Variants in SPOCK1 observed in about 807,000 individuals in gnomAD.
The protein encoded by SPOCK1 is SPARC (osteonectin), cwcv and kazal like domains proteoglycan 1.
SPOCK1 carries 23 observed loss-of-function variants against 55.3 expected under a neutral mutation model. The observed-to-expected ratio is 0.42, with a 90% CI of 0.30 to 0.59. The LOEUF (loss-of-function observed/expected upper bound fraction) is 0.59. Ranked by LOEUF, SPOCK1 falls within the 20% of genes least tolerant of loss-of-function variation. SPOCK1 has a pLI of 0.22. For synonymous variants in SPOCK1, 226 were observed against 221.0 expected (o/e 1.02, Z -0.20); for missense variants, 499 against 552.5 (o/e 0.90, Z 0.97).
At chr5:137,308,892 G>A (rs1757745087) in intron 2 of SPOCK1, among the ~76,000 whole-genome samples, 1 of 152,166 alleles carries the variant, frequency 6.6e-6, no homozygotes, top group African/African-American at 2.4e-5. Context: ...CCAGAAGACA[G>A]TGAAACAGTG....
intron 6 of SPOCK1, among the ~76,000 whole-genome samples, chr5:137,043,104 T>C (rs570340156): frequency 1.5e-3 from 228 of 152,192 alleles, no homozygotes; most frequent in African/African-American, 4.9e-3. Context: ...ATTACAGAAG[T>C]GTTCAAGAGT....
At chr5:137,389,518 G>A (rs562124685) in intron 2 of SPOCK1, among the ~76,000 whole-genome samples, 1 of 152,348 alleles carries the variant, frequency 6.6e-6, no homozygotes, top group South Asian at 2.1e-4. Flanking sequence ...ATGAAGTGAT[G>A]AGCAATCCAA....
rs183908453 is a variant in SPOCK1, at chr5:137,060,944, C to A, written c.589+6771G>T. Among the ~76,000 whole-genome samples the A allele has an allele frequency of 9.8e-5, 15 of 152,340 alleles. No individual in the cohort carries two copies. The East Asian group carries it at 2.9e-3, about 29-fold the overall frequency. ...GAGTCCTGACAAATGAATTTTTCTT[C>A]TTTGATGCAGTTGCCAATTTAATTC... On this transcript the variant is annotated intron_variant, in intron 6 of 10. Transcript: ENST00000394945.
chr5:137,190,904 T>A (rs1026170526), intron 3 of SPOCK1, among the ~76,000 whole-genome samples: 8 of 152,204 alleles, frequency 5.3e-5, no homozygotes, highest in Non-Finnish European at 1.0e-4. Flanking sequence ...TATGTATATT[T>A]TCTGAGCAAA....
intron 6 of SPOCK1, among the ~76,000 whole-genome samples, chr5:137,062,672 C>T (rs1009634644): frequency 6.6e-6 from 1 of 151,796 alleles, no homozygotes; most frequent in Non-Finnish European, 1.5e-5. Flanking sequence ...ACTTTGCTGA[C>T]GGGGCTGACT....
Position 136,977,755 on chromosome 5 carries a change from A to G in SPOCK1, c.*899T>C. On this transcript the variant is annotated 3_prime_UTR_variant, in exon 11 of 11. Coordinates refer to ENST00000394945, the MANE Select transcript of SPOCK1 (RefSeq NM_004598.4). ...GGCAGACGGAGGTTTTTTCTCAATC[A>G]GAGGCTTTCAGTAACTCTGCTGATG... The G allele has an allele frequency of 2.5e-6, 1 of 399,008 alleles. No individual in the cohort carries two copies. The highest frequency in any genetic ancestry group is 4.4e-6 in the Non-Finnish European group (1 of 226,056). The allele number at this position is 399,008 out of a possible 1,614,324, so 24.7% of individuals were successfully genotyped here.
At chr5:137,309,124 GAA>G (rs1347376073) in intron 2 of SPOCK1, among the ~76,000 whole-genome samples, 1 of 152,118 alleles carries the variant, frequency 6.6e-6, no homozygotes. Context: ...GCATTTTGGG[GAA>G]AAAGTCATCT....
At chr5:137,169,231 CA>C (rs1179858337) in intron 3 of SPOCK1, among the ~76,000 whole-genome samples, 5 of 151,226 alleles carry the variant, frequency 3.3e-5, no homozygotes, top group African/African-American at 1.2e-4. Context: ...TAAATAGGCA[CA>C]AAAAAATGTT....
chr5:137,464,611 G>C (rs1355859591), intron 2 of SPOCK1, among the ~76,000 whole-genome samples: 1 of 152,024 alleles, frequency 6.6e-6, no homozygotes, highest in African/African-American at 2.4e-5. Context: ...GTGGTAGATA[G>C]CAACAGCCTG....
At chr5:137,180,491 T>C (rs1184040982) in intron 3 of SPOCK1, among the ~76,000 whole-genome samples, 2 of 152,106 alleles carry the variant, frequency 1.3e-5, no homozygotes, top group Admixed American at 1.3e-4. Flanking sequence ...GGAGGGAACA[T>C]GAAATTCAAA....
chr5:137,313,558 A>T, intron 2 of SPOCK1: 1 of 893,984 alleles, frequency 1.1e-6, no homozygotes, highest in Middle Eastern at 5.7e-4. Context: ...CCTGCCTCCT[A>T]CCTCCTCTTA....
At chr5:137,057,324 CT>C (rs930891651) in intron 6 of SPOCK1, among the ~76,000 whole-genome samples, 1 of 152,160 alleles carries the variant, frequency 6.6e-6, no homozygotes, top group Non-Finnish European at 1.5e-5. Flanking sequence ...ACTTCAGTCT[CT>C]TCAGAATAAG....
intron 3 of SPOCK1, among the ~76,000 whole-genome samples, chr5:137,161,755 TA>T (rs1000778873): frequency 7.3e-5 from 11 of 151,614 alleles, no homozygotes; most frequent in African/African-American, 2.2e-4. Flanking sequence ...GTTTTTGTAT[TA>T]AAAAAAAATC....
At chr5:137,137,107 C>A (rs1477832982) in intron 4 of SPOCK1, among the ~76,000 whole-genome samples, 1 of 152,214 alleles carries the variant, frequency 6.6e-6, no homozygotes, top group Admixed American at 6.5e-5. Context: ...CTCTCACTGA[C>A]GTGCTCACTG....
intron 2 of SPOCK1, among the ~76,000 whole-genome samples, chr5:137,418,984 G>A (rs1045444149): frequency 1.6e-4 from 24 of 152,172 alleles, no homozygotes; most frequent in Non-Finnish European, 2.8e-4. Flanking sequence ...TGTATAAGGT[G>A]TAAGGAAGGG....
intron 2 of SPOCK1, among the ~76,000 whole-genome samples, chr5:137,341,605 C>T (rs1298430152): frequency 6.6e-6 from 1 of 152,214 alleles, no homozygotes; most frequent in African/African-American, 2.4e-5. Flanking sequence ...AATTATCTTA[C>T]TCACTCATTT....
chr5:137,153,781 C>T (rs1754361657), intron 3 of SPOCK1, among the ~76,000 whole-genome samples: 1 of 150,988 alleles, frequency 6.6e-6, no homozygotes, highest in South Asian at 2.1e-4. Flanking sequence ...TCCCTTGAGC[C>T]CAGGAGGTCA....
intron 3 of SPOCK1, among the ~76,000 whole-genome samples, chr5:137,230,042 T>G (rs778018983): frequency 3.9e-5 from 6 of 152,152 alleles, no homozygotes; most frequent in Admixed American, 6.5e-5. Context: ...TCGCCCATGC[T>G]CCACTCTTAA....
chr5:137,434,446 A>AG (rs1193586607), intron 2 of SPOCK1, among the ~76,000 whole-genome samples: 15 of 146,936 alleles, frequency 1.0e-4, no homozygotes, highest in Non-Finnish European at 1.6e-4. Context: ...AAAGTGATTG[A>AG]GAAAAAGATT....
Sources: allele counts gnomAD v4.1 joint callset (sites outside exome capture counted in the v4.1 genomes callset), GRCh38; gene constraint gnomAD v4.1.1; transcripts MANE v1.5; gene names NCBI Gene and HGNC (gene_info 2026-07-23, HGNC 2026-07-21).